Variants in TM9SF4 observed in about 807,000 individuals in gnomAD.
TM9SF4 encodes the protein transmembrane 9 superfamily member 4, also known as dinucleotide oxidase disulfide thiol exchanger 3 superfamily member 4.
Under a neutral mutation model 90.4 loss-of-function variants are expected in TM9SF4, and 26 were observed. That is an observed-to-expected ratio of 0.29 (90% confidence interval 0.21 to 0.40). The LOEUF (loss-of-function observed/expected upper bound fraction) is 0.40, where lower values mean the gene tolerates loss of function less well. TM9SF4 is among the 10% of genes least tolerant of loss of function. The pLI is 1.00. For missense variants in TM9SF4, 549 were observed against 834.8 expected (o/e 0.66, Z 4.22); for synonymous variants, 293 against 315.4 (o/e 0.93, Z 0.75).
At chr20:32,120,760 A>G (rs927672782) in intron 1 of TM9SF4, among the ~76,000 whole-genome samples, 1 of 151,520 alleles carries the variant, frequency 6.6e-6, no homozygotes, top group Non-Finnish European at 1.5e-5. Flanking sequence ...ACTACTGAGT[A>G]TGATGTTGGC....
Position 32,165,620 on chromosome 20 carries a change from G to A in TM9SF4, c.*176G>A, listed in dbSNP as rs963233575. On this transcript the variant is annotated 3_prime_UTR_variant, in exon 18 of 18. Transcript: ENST00000398022. Reference sequence around the variant, plus strand: ...CGGGAGGGCCTGTAGATAATCTTGCGTTTTTCGTCATCTTATTCCAGTTCT... The same window carrying A: ...CGGGAGGGCCTGTAGATAATCTTGCATTTTTCGTCATCTTATTCCAGTTCT... 23 of 708,936 alleles carry A rather than the reference G, an allele frequency of 3.2e-5. 1 individual carries two copies. Among genetic ancestry groups the A allele is most frequent in the South Asian group, 5.9e-5 (3 of 50,502 alleles). The allele number at this position is 708,936 out of a possible 1,614,324, so 43.9% of individuals were successfully genotyped here.
intron 13 of TM9SF4, among the ~76,000 whole-genome samples, chr20:32,156,658 G>A (rs992274247): frequency 6.6e-6 from 1 of 152,156 alleles, no homozygotes; most frequent in Non-Finnish European, 1.5e-5. Context: ...TCAGGCTGGA[G>A]TGCAGTGCTG....
chr20:32,144,535 C>T (rs990727554), intron 6 of TM9SF4, among the ~76,000 whole-genome samples: 1 of 152,164 alleles, frequency 6.6e-6, no homozygotes, highest in African/African-American at 2.4e-5. Context: ...CCGACTCAGG[C>T]CCCTCCCTTC....
In TM9SF4 at chr20:32,157,874, C is replaced by T. The variant is rs749584459; in HGVS notation, c.1410C>T (p.Phe470=). 8.1e-6 allele frequency: 13 copies of T among 1,614,012 alleles called. No individual in the cohort carries two copies. Among genetic ancestry groups the T allele is most frequent in the Middle Eastern group, 1.6e-4 (1 of 6,084 alleles). Reference sequence around the variant, plus strand: ...CCCTCGTCTACTTGGGCTACTACTTCGGCTTCCGAAAGCAGCCATATGACA... The same window carrying T: ...CCCTCGTCTACTTGGGCTACTACTTTGGCTTCCGAAAGCAGCCATATGACA... ...SLPLVYLGYY[F]GFRKQPYDNP... is the part of the protein sequence containing the mutation. The change falls in exon 14 of 18, where the codon TTC becomes TTT. Residue 470 remains phenylalanine, a synonymous_variant. Coordinates refer to ENST00000398022, the MANE Select transcript of TM9SF4 (RefSeq NM_014742.4).
chr20:32,149,507 A>T, intron 9 of TM9SF4, 127 bp from the exon 10 acceptor site: 1 of 1,224,884 alleles, frequency 8.2e-7, no homozygotes, highest in Non-Finnish European at 1.2e-6. Flanking sequence ...TTCTCCTATC[A>T]CTTACACTCC....
At chr20:32,130,817 G>A (rs936380654) in intron 1 of TM9SF4, among the ~76,000 whole-genome samples, 10 of 152,124 alleles carry the variant, frequency 6.6e-5, no homozygotes, top group Non-Finnish European at 1.3e-4. Context: ...ATACCCATTT[G>A]TACTGTTTGA....
chr20:32,157,698 C>T, intron 13 of TM9SF4, 96 bp from the exon 14 acceptor site: 1 of 1,488,604 alleles, frequency 6.7e-7, no homozygotes, highest in South Asian at 1.3e-5. Flanking sequence ...CAAGTCGCCT[C>T]TCCTTCTGTG....
intron 1 of TM9SF4, among the ~76,000 whole-genome samples, chr20:32,112,139 G>C (rs998929245): frequency 2.0e-5 from 3 of 152,192 alleles, no homozygotes; most frequent in African/African-American, 7.2e-5. Context: ...GCCCAGCACA[G>C]TGACTCACAC....
chr20:32,133,186 G>T, intron 2 of TM9SF4, 60 bp downstream of exon 2: 1 of 1,514,148 alleles, frequency 6.6e-7, no homozygotes, highest in Non-Finnish European at 9.1e-7. Flanking sequence ...GGAGCACCAT[G>T]GTGAGCTGTT....
intron 12 of TM9SF4, among the ~76,000 whole-genome samples, chr20:32,153,927 G>A (rs2046879876): frequency 6.6e-6 from 1 of 152,178 alleles, no homozygotes; most frequent in Non-Finnish European, 1.5e-5. Flanking sequence ...AGGAGGCTGG[G>A]TGACGTGGAG....
chr20:32,152,332 C>G (rs953161064), intron 12 of TM9SF4, among the ~76,000 whole-genome samples: 3 of 151,378 alleles, frequency 2.0e-5, no homozygotes, highest in African/African-American at 7.3e-5. Context: ...GATCCTACAT[C>G]AAACCCAGTC....
Position 32,158,474 on chromosome 20 carries a change from C to T in TM9SF4, c.1529C>T (p.Pro510Leu). Residue 510 changes from proline to leucine, a missense_variant, in exon 15 of 18, where the codon CCC becomes CTC. Physicochemically the swap from Pro to Leu is moderately conservative, Grantham distance 98. Coordinates refer to ENST00000398022, the MANE Select transcript of TM9SF4 (RefSeq NM_014742.4). ...AGCATCCTCATGGCTGGGATCTTGC[C>T]CTTCGGCGCCATGTTCATCGAGCTC... The part of the protein sequence containing the change: ...FVGILMAGIL[P>L]FGAMFIELFF... 1 of 1,614,146 alleles carries T rather than the reference C, an allele frequency of 6.2e-7. No individual in the cohort carries two copies. The highest frequency in any genetic ancestry group is 8.5e-7 in the Non-Finnish European group (1 of 1,180,036).
intron 12 of TM9SF4, among the ~76,000 whole-genome samples, chr20:32,151,825 G>C (rs1010010540): frequency 4.6e-5 from 7 of 151,678 alleles, no homozygotes; most frequent in Admixed American, 3.3e-4. Context: ...GGGATTACAG[G>C]CATGTGCCAC....
intron 17 of TM9SF4, 73 bp from the exon 18 acceptor site, chr20:32,165,222 G>A: frequency 6.3e-7 from 1 of 1,594,452 alleles, no homozygotes; most frequent in Non-Finnish European, 8.6e-7. Context: ...ATATCAGTGA[G>A]AGTGGGGCCC....
rs2046743975 is a variant in TM9SF4, at chr20:32,145,137, C to G, written c.699C>G (p.Thr233=). 1 of 1,613,988 alleles carries G rather than the reference C, an allele frequency of 6.2e-7. No individual in the cohort carries two copies. Among genetic ancestry groups the G allele is most frequent in the African/African-American group, 1.3e-5 (1 of 74,900 alleles). Residue 233 remains threonine, a synonymous_variant, in exon 7 of 18, where the codon ACC becomes ACG. Coordinates refer to ENST00000398022, the MANE Select transcript of TM9SF4 (RefSeq NM_014742.4). ...GTTCGTGCACTCTGCCTGAGGGTACCAACTCCTCGCCCCAAGAAATTGACC... is the reference window on the plus strand; with the variant it reads ...GTTCGTGCACTCTGCCTGAGGGTACGAACTCCTCGCCCCAAGAAATTGACC... ...EKSSCTLPEG[T]NSSPQEIDPT...
intron 1 of TM9SF4, among the ~76,000 whole-genome samples, chr20:32,123,239 G>T (rs1464849387): frequency 1.0e-5 from 1 of 100,134 alleles, no homozygotes; most frequent in Non-Finnish European, 1.9e-5. Context: ...GAGAGGGAGA[G>T]GCTTTTTTTT....
At chr20:32,126,411 T>G (rs546262533) in intron 1 of TM9SF4, among the ~76,000 whole-genome samples, 1 of 152,330 alleles carries the variant, frequency 6.6e-6, no homozygotes, top group Admixed American at 6.5e-5. Context: ...CCACCAGGCC[T>G]TTGCGTCTGT....
intron 5 of TM9SF4, 51 bp from the exon 6 acceptor site, chr20:32,142,931 G>T (rs1163898752): frequency 9.3e-6 from 15 of 1,604,302 alleles, no homozygotes; most frequent in Non-Finnish European, 1.3e-5. Context: ...AATACCTGGA[G>T]AGTATCCCTA....
chr20:32,114,277 CCAATG>C (rs1220748934), intron 1 of TM9SF4, among the ~76,000 whole-genome samples: 1 of 152,250 alleles, frequency 6.6e-6, no homozygotes, highest in East Asian at 1.9e-4. Flanking sequence ...GCTAATGGAG[CCAATG>C]CCAGTAGTCC....
Sources: gnomAD v4.1 joint callset for allele counts (sites outside exome capture counted in the v4.1 genomes callset) on GRCh38, gnomAD v4.1.1 for gene constraint, MANE v1.5 for transcripts, NCBI Gene and HGNC (gene_info 2026-07-23, HGNC 2026-07-21) for gene names.